The following CDH23 variants were observed in gnomAD, a reference collection of about 807,000 sequenced individuals.
The protein encoded by CDH23 is cadherin related 23.
Under a neutral mutation model 317.1 loss-of-function variants are expected in CDH23, and 189 were observed. The ratio of observed to expected loss-of-function variants is 0.60; its 90% CI spans 0.53 to 0.67. The LOEUF (loss-of-function observed/expected upper bound fraction) is 0.67, where lower values mean the gene tolerates loss of function less well. Among genes scored for constraint, CDH23 ranks in the 30% least tolerant of loss-of-function variants. The probability of loss-of-function intolerance (pLI) is 0.00; values close to 1 mark genes in which losing one functional copy is unlikely to be tolerated. For synonymous variants in CDH23, 1,839 were observed against 1,876.8 expected (o/e 0.98, Z 0.52); for missense variants, 4,401 against 4,592.4 (o/e 0.96, Z 1.20).
intron 14 of CDH23, among the ~76,000 whole-genome samples, chr10:71,658,808 C>A (rs1423204107): frequency 6.6e-6 from 1 of 152,228 alleles, no homozygotes; most frequent in African/African-American, 2.4e-5. Context: ...CCCCTCCATT[C>A]TGCCAGTCAC....
At chr10:71,454,010 G>C (rs746092344) in intron 3 of CDH23, among the ~76,000 whole-genome samples, 2 of 152,222 alleles carry the variant, frequency 1.3e-5, no homozygotes, top group Non-Finnish European at 2.9e-5. Flanking sequence ...GTTAAGATGG[G>C]AGGTAGACAG....
At chr10:71,626,559 C>T (rs992003188) in intron 11 of CDH23, among the ~76,000 whole-genome samples, 4 of 152,212 alleles carry the variant, frequency 2.6e-5, no homozygotes, top group Non-Finnish European at 4.4e-5. Flanking sequence ...CTTGCCACCC[C>T]AGAGAGTGGG....
intron 11 of CDH23, chr10:71,617,659 A>AG: frequency 6.2e-6 from 3 of 481,878 alleles, no homozygotes; most frequent in Non-Finnish European, 8.1e-6. Context: ...TCATCATACT[A>AG]ATCTAGTAGG....
At chr10:71,812,046 C>T in intron 66 of CDH23, 31 bp downstream of exon 66, 2 of 1,613,984 alleles carry the variant, frequency 1.2e-6, no homozygotes, top group East Asian at 2.2e-5. Context: ...GCCCGGTCCC[C>T]TGCGGGGAGT....
intron 41 of CDH23, 45 bp downstream of exon 41, chr10:71,779,492 C>T: frequency 1.3e-6 from 2 of 1,518,936 alleles, no homozygotes; most frequent in Non-Finnish European, 1.8e-6. Flanking sequence ...CTCACCTGCA[C>T]ACCCGCTCAG....
chr10:71,781,703 T>C (rs1672227947), intron 41 of CDH23, among the ~76,000 whole-genome samples: 2 of 152,172 alleles, frequency 1.3e-5, no homozygotes, highest in South Asian at 2.1e-4. Flanking sequence ...ACAGGCAGGC[T>C]CTCAAAGGAG....
At chr10:71,598,548 G>T (rs1304211061) in intron 9 of CDH23, among the ~76,000 whole-genome samples, 2 of 152,192 alleles carry the variant, frequency 1.3e-5, no homozygotes, top group African/African-American at 4.8e-5. Context: ...CGACAGACTA[G>T]GGGTCTGTAA....
intron 3 of CDH23, among the ~76,000 whole-genome samples, chr10:71,467,432 G>A (rs759834557): frequency 2.0e-5 from 3 of 152,212 alleles, no homozygotes; most frequent in African/African-American, 7.2e-5. Context: ...GCTTCCAGGC[G>A]ATGGTGATGC....
chr10:71,624,632 T>G (rs191460411), intron 11 of CDH23, among the ~76,000 whole-genome samples: 17 of 152,208 alleles, frequency 1.1e-4, no homozygotes, highest in African/African-American at 3.9e-4. Flanking sequence ...CCCAGGAGGT[T>G]GAGGCTGCAA....
chr10:71,789,248 G>A (rs780185543), intron 45 of CDH23, among the ~76,000 whole-genome samples: 11 of 152,196 alleles, frequency 7.2e-5, no homozygotes, highest in Non-Finnish European at 1.3e-4. Context: ...AGGTCTGGTT[G>A]GAAGAGACAG....
intron 3 of CDH23, among the ~76,000 whole-genome samples, chr10:71,462,050 T>C (rs1851018378): frequency 6.6e-6 from 1 of 152,246 alleles, no homozygotes; most frequent in Non-Finnish European, 1.5e-5. Context: ...CATGCTGGGC[T>C]TGGGGACCCA....
intron 6 of CDH23, among the ~76,000 whole-genome samples, chr10:71,521,751 G>C (rs552226733): frequency 1.3e-5 from 2 of 152,332 alleles, no homozygotes; most frequent in South Asian, 4.1e-4. Flanking sequence ...GCCGGCCCCG[G>C]CTCTTCACTT....
chr10:71,549,081 C>T (rs1461075867), intron 6 of CDH23, among the ~76,000 whole-genome samples: 1 of 152,198 alleles, frequency 6.6e-6, no homozygotes, highest in Non-Finnish European at 1.5e-5. Context: ...AGCCCCCAGA[C>T]ACCCAAATGT....
chr10:71,678,476 C>T (rs1392448808), intron 16 of CDH23, among the ~76,000 whole-genome samples: 1 of 152,206 alleles, frequency 6.6e-6, no homozygotes, highest in Non-Finnish European at 1.5e-5. Flanking sequence ...CCCCATGCTG[C>T]CTACCCCAAG....
At chr10:71,707,217 C>T (rs547252542) in intron 26 of CDH23, 168 bp downstream of exon 26, 1 of 1,491,818 alleles carries the variant, frequency 6.7e-7, no homozygotes, top group African/African-American at 1.4e-5. Context: ...TTGCTCCTGG[C>T]TCTTCCCAAG....
chr10:71,745,039 C>A (rs1359454848), intron 38 of CDH23, among the ~76,000 whole-genome samples: 1 of 152,246 alleles, frequency 6.6e-6, no homozygotes, highest in Non-Finnish European at 1.5e-5. Flanking sequence ...GAGAAACTAG[C>A]ACTAAACCAT....
At chr10:71,774,083 A>G (rs1279956243) in intron 38 of CDH23, among the ~76,000 whole-genome samples, 1 of 151,900 alleles carries the variant, frequency 6.6e-6, no homozygotes, top group Non-Finnish European at 1.5e-5. Context: ...ACACACACAC[A>G]CACACAGAAC....
chr10:71,452,312 G>C (rs1007693969), intron 3 of CDH23, among the ~76,000 whole-genome samples: 6 of 152,100 alleles, frequency 3.9e-5, no homozygotes, highest in Non-Finnish European at 5.9e-5. Context: ...TGCCCTGGAG[G>C]GGGGCAGGGT....
chr10:71,805,388 T>G (rs1367666942), intron 55 of CDH23, among the ~76,000 whole-genome samples: 1 of 152,206 alleles, frequency 6.6e-6, no homozygotes, highest in Non-Finnish European at 1.5e-5. Context: ...ACACCCAGAA[T>G]TCCTGTGTTT....
Sources: gnomAD v4.1 joint callset for allele counts (sites outside exome capture counted in the v4.1 genomes callset) on GRCh38, gnomAD v4.1.1 for gene constraint, MANE v1.5 for transcripts, NCBI Gene and HGNC (gene_info 2026-07-23, HGNC 2026-07-21) for gene names.